The following CSMD1 variants were observed in gnomAD, a reference collection of about 807,000 sequenced individuals.
CSMD1 encodes CUB and sushi domain-containing protein 1.
Under a neutral mutation model 417.5 loss-of-function variants are expected in CSMD1, and 213 were observed. That is an observed-to-expected ratio of 0.51 (90% CI 0.46 to 0.57). The LOEUF (loss-of-function observed/expected upper bound fraction) is 0.57, where lower values mean the gene tolerates loss of function less well. Ranked by LOEUF, CSMD1 falls within the 20% of genes least tolerant of loss-of-function variation. The pLI is 0.00. For missense variants in CSMD1, 6,923 were observed against 4,529.7 expected, an observed-to-expected ratio of 1.53 and a Z score of -15.17; for synonymous variants, 2,862 against 1,736.8, an observed-to-expected ratio of 1.65 and a Z score of -16.11.
intron 1 of CSMD1, among the ~76,000 whole-genome samples, chr8:4,760,845 T>C (rs1585055809): frequency 6.6e-6 from 1 of 152,196 alleles, no homozygotes. Context: ...CATAGAATAA[T>C]CATAATGCCT....
At chr8:4,488,774 C>G (rs780373842) in intron 2 of CSMD1, among the ~76,000 whole-genome samples, 1 of 152,006 alleles carries the variant, frequency 6.6e-6, no homozygotes, top group Non-Finnish European at 1.5e-5. Flanking sequence ...CCGCGTCCTG[C>G]GTATCCAAAA....
intron 11 of CSMD1, among the ~76,000 whole-genome samples, chr8:3,482,521 G>C (rs1314021584): frequency 1.3e-5 from 2 of 152,124 alleles, no homozygotes; most frequent in Non-Finnish European, 2.9e-5. Flanking sequence ...ACGACAAGAA[G>C]CAAAAACTGA....
chr8:4,197,606 T>C (rs1426843739), intron 3 of CSMD1, among the ~76,000 whole-genome samples: 1 of 152,140 alleles, frequency 6.6e-6, no homozygotes, highest in Non-Finnish European at 1.5e-5. Context: ...CAGCTGGACA[T>C]GGTGGCTCAT....
At chr8:3,002,632 T>A (rs1040348249) in intron 52 of CSMD1, among the ~76,000 whole-genome samples, 1 of 152,238 alleles carries the variant, frequency 6.6e-6, no homozygotes, top group Non-Finnish European at 1.5e-5. Context: ...CATTCTTGAC[T>A]TAGACAAACA....
chr8:3,631,169 G>C (rs1260442397), intron 7 of CSMD1, among the ~76,000 whole-genome samples: 1 of 152,214 alleles, frequency 6.6e-6, no homozygotes, highest in South Asian at 2.1e-4. Context: ...TGGCTAAACC[G>C]GCAGGACTCC....
In CSMD1 at chr8:4,524,432, T is replaced by C. The variant is rs566679998; in HGVS notation, c.303-104367A>G. On this transcript the variant is annotated intron_variant, in intron 2 of 69. Transcript: ENST00000635120. ...ATTCAAGAGTTGATTTCTGCACAGATAGTAGGTGATGCTTGTGGCTGAAAC... is the reference window on the plus strand; with the variant it reads ...ATTCAAGAGTTGATTTCTGCACAGACAGTAGGTGATGCTTGTGGCTGAAAC... 5.3e-5 allele frequency among the ~76,000 whole-genome samples: 8 copies of C among 152,216 alleles called. No individual in the cohort carries two copies. In the South Asian group the frequency reaches 1.7e-3, roughly 32 times the overall value.
At chr8:3,890,071 T>A (rs1806855073) in intron 5 of CSMD1, among the ~76,000 whole-genome samples, 1 of 152,120 alleles carries the variant, frequency 6.6e-6, no homozygotes, top group Non-Finnish European at 1.5e-5. Flanking sequence ...ATCATTGCAT[T>A]TGTGTGTTTT....
chr8:3,192,847 G>A (rs1796501864), intron 33 of CSMD1, among the ~76,000 whole-genome samples: 2 of 151,906 alleles, frequency 1.3e-5, no homozygotes, highest in Admixed American at 6.6e-5. Flanking sequence ...GATTAGGGAT[G>A]CTCAATCCAT....
chr8:4,644,580 T>C (rs752249478), intron 1 of CSMD1, among the ~76,000 whole-genome samples: 1 of 152,156 alleles, frequency 6.6e-6, no homozygotes, highest in Non-Finnish European at 1.5e-5. Flanking sequence ...CTAATATTTC[T>C]ATTTTTAGTA....
chr8:3,739,801 AT>A (rs950197881), intron 6 of CSMD1, among the ~76,000 whole-genome samples: 24 of 148,058 alleles, frequency 1.6e-4, no homozygotes, highest in Non-Finnish European at 3.2e-4. Context: ...GTAAAAAAAA[AT>A]TCAATTTTGT....
At chr8:3,455,140 C>G (rs1052663989) in intron 12 of CSMD1, among the ~76,000 whole-genome samples, 9 of 152,172 alleles carry the variant, frequency 5.9e-5, no homozygotes, top group African/African-American at 1.7e-4. Context: ...AGGTAGTTCT[C>G]CTGCCATGGT....
At chr8:4,978,214 T>C (rs1810674118) in intron 1 of CSMD1, among the ~76,000 whole-genome samples, 1 of 152,146 alleles carries the variant, frequency 6.6e-6, no homozygotes, top group African/African-American at 2.4e-5. Flanking sequence ...ATCTCACAGA[T>C]AGAGACCCAA....
At chr8:3,153,154 G>A (rs1819306056) in intron 39 of CSMD1, among the ~76,000 whole-genome samples, 1 of 152,140 alleles carries the variant, frequency 6.6e-6, no homozygotes, top group Non-Finnish European at 1.5e-5. Context: ...CCAAAGCCAA[G>A]ATGGCCATGA....
intron 20 of CSMD1, among the ~76,000 whole-genome samples, chr8:3,365,592 T>C (rs1809507546): frequency 6.6e-6 from 1 of 152,210 alleles, no homozygotes; most frequent in Non-Finnish European, 1.5e-5. Flanking sequence ...ACGAACCATG[T>C]CATCAAGACT....
intron 32 of CSMD1, 132 bp from the exon 33 acceptor site, chr8:3,199,941 T>G (rs1289436916): frequency 1.7e-6 from 1 of 594,756 alleles, no homozygotes; most frequent in Non-Finnish European, 3.0e-6. Context: ...CACTTTATGG[T>G]TTAAAACTCA....
At chr8:4,544,421 T>A (rs1234167704) in intron 2 of CSMD1, among the ~76,000 whole-genome samples, 12 of 152,130 alleles carry the variant, frequency 7.9e-5, no homozygotes, top group Admixed American at 7.2e-4. Flanking sequence ...ACAGTAGTTA[T>A]AAAATTTTGT....
At chr8:4,772,899 C>T (rs1376937242) in intron 1 of CSMD1, among the ~76,000 whole-genome samples, 7 of 152,088 alleles carry the variant, frequency 4.6e-5, no homozygotes, top group South Asian at 4.1e-4. Context: ...TGATGAATAA[C>T]GTAAGAAATT....
rs144057962 is a variant in CSMD1 at position 3,984,793 on chromosome 8, AG to A, written c.818+13109del. On this transcript the variant is annotated intron_variant, in intron 5 of 69. Coordinates refer to ENST00000635120, the MANE Select transcript of CSMD1 (RefSeq NM_033225.6). Reference sequence around the variant, plus strand: ...CGTGTGTGTGTGTGTGTGGGTGTAAAGGGAGATCACACACACAAAAAACTAG... The same window carrying A: ...CGTGTGTGTGTGTGTGTGGGTGTAAAGGAGATCACACACACAAAAAACTAG... Among the ~76,000 whole-genome samples, 405 of 144,492 alleles carry A rather than the reference AG, an allele frequency of 2.8e-3. 2 individuals are homozygous for A. The highest frequency in any genetic ancestry group is 9.8e-3 in the African/African-American group (386 of 39,240). The allele number at this position is 144,492 out of a possible 152,430, so 94.8% of individuals were successfully genotyped here.
chr8:4,987,782 G>C (rs1283627460), intron 1 of CSMD1, among the ~76,000 whole-genome samples: 1 of 152,148 alleles, frequency 6.6e-6, no homozygotes, highest in African/African-American at 2.4e-5. Flanking sequence ...TGTCATCTTG[G>C]CTAAAAGAAA....
Sources: gnomAD v4.1 joint callset for allele counts (sites outside exome capture counted in the v4.1 genomes callset) on GRCh38, gnomAD v4.1.1 for gene constraint, MANE v1.5 for transcripts, NCBI Gene and HGNC (gene_info 2026-07-23, HGNC 2026-07-21) for gene names.